PLD5: variants seen among roughly 807,000 people sequenced by gnomAD.
The protein encoded by PLD5 is inactive phospholipase D5.
In PLD5, 36 loss-of-function variants were observed where a neutral mutation model predicts 61.1. The observed-to-expected ratio is 0.59, with a 90% CI of 0.45 to 0.78. The LOEUF is 0.78. Among genes scored for constraint, PLD5 ranks in the 30% least tolerant of loss-of-function variants. The pLI is 0.00. For missense variants in PLD5, 515 were observed against 644.4 expected (o/e 0.80, Z 2.17); for synonymous variants, 243 against 242.8 (o/e 1.00, Z -0.01).
chr1:242,197,874 T>C (rs1025031498), intron 5 of PLD5, among the ~76,000 whole-genome samples: 4 of 152,146 alleles, frequency 2.6e-5, no homozygotes, highest in Non-Finnish European at 5.9e-5. Flanking sequence ...CCTCATGTGA[T>C]CTGCCCACCT....
chr1:242,163,147 C>CTTTTTTTTTTT (rs147011306), intron 5 of PLD5, among the ~76,000 whole-genome samples: 3 of 142,050 alleles, frequency 2.1e-5, no homozygotes, highest in Admixed American at 1.4e-4. Flanking sequence ...CTTTTCTTTT[C>CTTTTTTTTTTT]TTTCTTTTCT....
upstream of PLD5, among the ~76,000 whole-genome samples, chr1:242,524,849 G>T (rs1669402073): frequency 1.3e-5 from 2 of 151,654 alleles, no homozygotes; most frequent in South Asian, 4.1e-4. Context: ...GGGCGGCCGC[G>T]CTCCCGCTCC....
intron 2 of PLD5, among the ~76,000 whole-genome samples, chr1:242,323,092 T>A (rs1658523800): frequency 6.6e-6 from 1 of 152,144 alleles, no homozygotes; most frequent in Non-Finnish European, 1.5e-5. Context: ...CAATAAATTA[T>A]TATTGTTATA....
rs567900684 is a variant in PLD5, at chr1:242,088,594, C to T, written c.*1260G>A. On this transcript the variant is annotated 3_prime_UTR_variant, in exon 10 of 10. Transcript: ENST00000536534. ...CAGTGAGGGGCTCCGCTTTGAGTCACAGAGTCGGGAACAACATTGGAACTG... is the reference window on the plus strand; with the variant it reads ...CAGTGAGGGGCTCCGCTTTGAGTCATAGAGTCGGGAACAACATTGGAACTG... 1.3e-5 allele frequency: 2 copies of T among 152,298 alleles called. No individual in the cohort carries two copies. The highest frequency in any genetic ancestry group is 4.8e-5 in the African/African-American group (2 of 41,572). 9.4% of individuals were successfully genotyped at this position (152,298 alleles called of 1,614,324 possible). A position where few individuals can be genotyped will look rare whatever the true frequency, so the allele number is the denominator to read the frequency against.
At chr1:242,288,557 A>G in intron 2 of PLD5, 27 bp from the exon 3 acceptor site, 1 of 1,590,098 alleles carries the variant, frequency 6.3e-7, no homozygotes, top group South Asian at 1.1e-5. Context: ...AAAAACAAAC[A>G]AACAAAATCT....
chr1:242,398,511 C>T (rs1056731113), intron 1 of PLD5, among the ~76,000 whole-genome samples: 2 of 152,184 alleles, frequency 1.3e-5, no homozygotes, highest in Non-Finnish European at 1.5e-5. Flanking sequence ...CATAGGCTGA[C>T]GTCTTTCTCC....
intron 5 of PLD5, among the ~76,000 whole-genome samples, chr1:242,165,042 C>T (rs1203049809): frequency 6.6e-6 from 1 of 152,108 alleles, no homozygotes; most frequent in African/African-American, 2.4e-5. Context: ...AAAAACTCCA[C>T]AGGGGATGAT....
chr1:242,439,000 TTC>T (rs1433170554), intron 1 of PLD5, among the ~76,000 whole-genome samples: 2 of 152,184 alleles, frequency 1.3e-5, no homozygotes, highest in African/African-American at 4.8e-5. Flanking sequence ...ATATGTATAT[TTC>T]TGTTTTCTTT....
rs541593153 is a variant in PLD5, at chr1:242,282,632, T to C, written c.495+5730A>G. ...TTCCATTGTTGCAGCTCATTAATTATTTTATAGGTTCCTCACAGTGAATTC... is the reference window on the plus strand; with the variant it reads ...TTCCATTGTTGCAGCTCATTAATTACTTTATAGGTTCCTCACAGTGAATTC... On this transcript the variant is annotated intron_variant, in intron 3 of 9. Coordinates refer to ENST00000536534, the MANE Select transcript of PLD5 (RefSeq NM_001372062.1). 1.3e-4 allele frequency among the ~76,000 whole-genome samples: 20 copies of C among 152,310 alleles called. No individual in the cohort carries two copies. The East Asian group carries it at 3.1e-3, about 23-fold the overall frequency.
intron 1 of PLD5, among the ~76,000 whole-genome samples, chr1:242,469,699 T>G (rs749824238): frequency 6.4e-4 from 98 of 152,226 alleles, no homozygotes; most frequent in Middle Eastern, 3.4e-3. Context: ...TTTTTAGACA[T>G]GGGGTCTTGC....
chr1:242,176,381 A>G (rs1340594490), intron 5 of PLD5, among the ~76,000 whole-genome samples: 1 of 152,212 alleles, frequency 6.6e-6, no homozygotes, highest in Non-Finnish European at 1.5e-5. Context: ...CTGGCTAGCC[A>G]TATGCAGAAA....
At chr1:242,389,425 T>C (rs1018944371) in intron 1 of PLD5, among the ~76,000 whole-genome samples, 16 of 152,200 alleles carry the variant, frequency 1.1e-4, no homozygotes, top group African/African-American at 3.9e-4. Flanking sequence ...GTAATAAGTA[T>C]ATATCTCTCT....
chr1:242,525,939 T>G (rs1392262904), upstream of PLD5, among the ~76,000 whole-genome samples: 8 of 152,340 alleles, frequency 5.3e-5, no homozygotes, highest in East Asian at 1.5e-3. Context: ...TTGTGCTAGG[T>G]TGGTTTTCTT....
At chr1:242,413,565 C>T (rs1664670554) in intron 1 of PLD5, among the ~76,000 whole-genome samples, 1 of 152,134 alleles carries the variant, frequency 6.6e-6, no homozygotes, top group Admixed American at 6.6e-5. Flanking sequence ...GAGATTTGTT[C>T]CCACTCACAA....
intron 2 of PLD5, among the ~76,000 whole-genome samples, chr1:242,299,774 G>C (rs1675922072): frequency 1.3e-5 from 2 of 152,178 alleles, no homozygotes; most frequent in Admixed American, 6.5e-5. Context: ...TACTTCAACT[G>C]TATTCTCTGC....
intron 3 of PLD5, among the ~76,000 whole-genome samples, chr1:242,281,457 G>A (rs898668481): frequency 1.3e-5 from 2 of 152,168 alleles, no homozygotes; most frequent in Admixed American, 6.5e-5. Flanking sequence ...AGGAGGGACT[G>A]TAGGTTCAAG....
Position 242,475,342 on chromosome 1 carries a change from G to C in PLD5, c.189+48746C>G, listed in dbSNP as rs528851543. On this transcript the variant is annotated intron_variant, in intron 1 of 9. Transcript: ENST00000536534. ...GGAGGCTGAGGCAGGAGAATGGCGT[G>C]AACCCGGGAAGCGGAGCTTGCAGTG... is the stretch of plus-strand genomic sequence containing the variant. 2.3e-3 allele frequency among the ~76,000 whole-genome samples: 341 copies of C among 145,394 alleles called. 2 individuals carry two copies. Among genetic ancestry groups the C allele is most frequent in the African/African-American group, 8.5e-3 (329 of 38,756 alleles).
intron 4 of PLD5, among the ~76,000 whole-genome samples, chr1:242,237,134 T>C (rs1342613323): frequency 6.6e-6 from 1 of 152,176 alleles, no homozygotes; most frequent in Non-Finnish European, 1.5e-5. Flanking sequence ...TTCTCCCTTT[T>C]TTTTTCTTTA....
At chr1:242,390,501 T>G (rs1662865865) in intron 1 of PLD5, among the ~76,000 whole-genome samples, 1 of 152,172 alleles carries the variant, frequency 6.6e-6, no homozygotes, top group African/African-American at 2.4e-5. Flanking sequence ...AAACATTCCA[T>G]GAGCAAAACC....
Sources: allele counts gnomAD v4.1 joint callset (sites outside exome capture counted in the v4.1 genomes callset), GRCh38; gene constraint gnomAD v4.1.1; transcripts MANE v1.5; gene names NCBI Gene and HGNC (gene_info 2026-07-23, HGNC 2026-07-21).